GCN1: variants seen among roughly 807,000 people sequenced by gnomAD.
The protein encoded by GCN1 is stalled ribosome sensor GCN1.
Under a neutral mutation model 288.4 loss-of-function variants are expected in GCN1, and 90 were observed. That is an observed-to-expected ratio of 0.31 (90% confidence interval 0.26 to 0.37). GCN1 has a LOEUF of 0.37. Among genes scored for constraint, GCN1 ranks in the 10% least tolerant of loss-of-function variants. The pLI is 1.00. For missense variants in GCN1, 2,586 were observed against 3,419.9 expected (o/e 0.76, Z 6.08); for synonymous variants, 1,386 against 1,420.2 (o/e 0.98, Z 0.54).
At chr12:120,184,745 A>G in intron 3 of GCN1, 79 bp downstream of exon 3, 2 of 1,060,570 alleles carry the variant, frequency 1.9e-6, no homozygotes, top group African/African-American at 1.5e-5. Context: ...GTCTGGCTCT[A>G]ATCTGGGCTC....
chr12:120,170,219 A>G lies in GCN1; in HGVS notation c.1469T>C (p.Val490Ala). 1.9e-6 allele frequency: 3 copies of G among 1,614,072 alleles called. No individual in the cohort carries two copies. Among genetic ancestry groups the G allele is most frequent in the Non-Finnish European group, 2.5e-6 (3 of 1,179,976 alleles). ...CTTTAAGAGCAACAAGGCTGCGGCA[A>G]CCCCTTCAGTGATGGTGGGAACCTG... The part of the protein sequence containing the change: ...STQVPTITEG[V>A]AAALLLLKLS... The change falls in exon 15 of 58, where the codon GTT becomes GCT. Residue 490 changes from valine (V) to alanine (A), a missense_variant. By Grantham distance (64) the Val-to-Ala change is moderately conservative. This residue lies in a region of GCN1 where 913 missense variants were observed against 1,107.0 expected (regional missense o/e 0.82). Coordinates refer to ENST00000300648, the MANE Select transcript of GCN1 (RefSeq NM_006836.2).
chr12:120,150,142 C>A, intron 34 of GCN1, 99 bp from the exon 35 acceptor site: 4 of 1,193,530 alleles, frequency 3.4e-6, no homozygotes, highest in Middle Eastern at 2.9e-4. Context: ...CCTCCCACCC[C>A]TCTGGAAACA....
At chr12:120,152,729 G>T (rs1036645917) in intron 33 of GCN1, among the ~76,000 whole-genome samples, 4 of 149,180 alleles carry the variant, frequency 2.7e-5, no homozygotes, top group African/African-American at 7.4e-5. Flanking sequence ...CAAAGAAAAA[G>T]AAATTTATTT....
rs762696947 is a variant in GCN1 at position 120,149,592 on chromosome 12, G to A, written c.4546+14C>T. The A allele has an allele frequency of 1.5e-5, 23 of 1,557,906 alleles. No individual in the cohort carries two copies. In the East Asian group the frequency reaches 2.0e-4, roughly 14 times the overall value. On this transcript the variant is annotated intron_variant, in intron 36 of 57. Transcript: ENST00000300648. ...ACAGGAAGCTGGGAAGAGAGGCAGA[G>A]CGAGTGGTCTTACCAGCTTTGGTCC... is the stretch of plus-strand genomic sequence containing the variant.
In GCN1 at chr12:120,137,430, G is replaced by A. The variant is rs1204600798; in HGVS notation, c.6664-111C>T. ...GTATAAACAAGACTTGCCACGAGTG[G>A]GTAAACGCCGAAGCTGAGTGACAGG... On this transcript the variant is annotated intron_variant, in intron 49 of 57. Coordinates refer to ENST00000300648, the MANE Select transcript of GCN1 (RefSeq NM_006836.2). The surrounding 1 kb of genome is among the most constrained non-coding windows in gnomAD (Gnocchi z 5.2). 8 of 1,401,040 alleles carry A rather than the reference G, an allele frequency of 5.7e-6. No homozygotes were observed. In the East Asian group the frequency reaches 1.6e-4, roughly 28 times the overall value. 86.8% of individuals were successfully genotyped at this position (1,401,040 alleles called of 1,614,324 possible).
At chr12:120,152,760 C>A (rs1300179443) in intron 33 of GCN1, among the ~76,000 whole-genome samples, 1 of 151,438 alleles carries the variant, frequency 6.6e-6, no homozygotes, top group African/African-American at 2.4e-5. Context: ...TTAGAGGCTA[C>A]ATTAAAACGC....
rs990129820 is a variant in GCN1 at position 120,150,996 on chromosome 12, C to A, written c.4309+149G>T. ...AAGTCCAAGGAAAGCAGCAAGGACG[C>A]AGCTGGACTGGGTCGCACACAGCGG... On this transcript the variant is annotated intron_variant, in intron 34 of 57. Transcript: ENST00000300648. The A allele has an allele frequency of 1.7e-5, 14 of 835,782 alleles. No homozygotes were observed. The African/African-American group carries it at 2.4e-4, about 14-fold the overall frequency. 51.8% of individuals were successfully genotyped at this position (835,782 alleles called of 1,614,324 possible). A position where few individuals can be genotyped will look rare whatever the true frequency, so the allele number is the denominator to read the frequency against.
At chr12:120,145,099 T>C in intron 39 of GCN1, 38 bp from the exon 40 acceptor site, 1 of 1,613,518 alleles carries the variant, frequency 6.2e-7, no homozygotes, top group Non-Finnish European at 8.5e-7. Context: ...TGTGAGAAGA[T>C]GAGGCTCAAA....
At chr12:120,166,366 T>C (rs1878124215) in intron 16 of GCN1, among the ~76,000 whole-genome samples, 1 of 133,286 alleles carries the variant, frequency 7.5e-6, no homozygotes, top group East Asian at 2.2e-4. Flanking sequence ...ATTGCACCAC[T>C]GCACTCCAGC....
Position 120,155,572 on chromosome 12 carries a change from C to T in GCN1, c.3440+20G>A, listed in dbSNP as rs771092284. ...GAAGAGAGGATGCAGCAGGAGAAAG[C>T]GACATGCTGGCTCTCTCACCTCTCA... On this transcript the variant is annotated intron_variant, in intron 29 of 57. Coordinates refer to ENST00000300648, the MANE Select transcript of GCN1 (RefSeq NM_006836.2). This position sits in a 1 kb window ranked among gnomAD's most constrained non-coding sequence, Gnocchi z 4.9. 10 of 1,613,608 alleles carry T rather than the reference C, an allele frequency of 6.2e-6. No individual in the cohort carries two copies. Among genetic ancestry groups the T allele is most frequent in the South Asian group, 1.1e-5 (1 of 91,058 alleles).
At chr12:120,175,252 C>T in intron 11 of GCN1, 40 bp from the exon 12 acceptor site, 1 of 1,557,022 alleles carries the variant, frequency 6.4e-7, no homozygotes, top group Non-Finnish European at 8.9e-7. Flanking sequence ...TCACATATGC[C>T]ACATTTCCCA....
intron 34 of GCN1, 22 bp downstream of exon 34, chr12:120,151,123 C>T (rs1351314568): frequency 1.2e-6 from 2 of 1,608,308 alleles, no homozygotes; most frequent in Admixed American, 1.7e-5. Context: ...TGCTGGGCAG[C>T]CCCAAGCTCA....
intron 38 of GCN1, among the ~76,000 whole-genome samples, chr12:120,146,289 C>T (rs548975074): frequency 1.3e-5 from 2 of 149,180 alleles, no homozygotes; most frequent in South Asian, 2.2e-4. Flanking sequence ...AAAAAATTAA[C>T]AGTAATTATT....
At position 120,164,690 on chromosome 12, in the gene GCN1, T is replaced by C. The variant is rs1336983632; in HGVS notation, c.1644A>G (p.Arg548=). The part of the protein sequence containing the change: ...ALCTVLHLTE[R]LFLDHPHRLT... The stretch of plus-strand genomic sequence containing the variant: ...GTCTATGCGGGTGGTCAAGGAAAAG[T>C]CTCTCTGTCAGATGCAACACAGTAC... Residue 548 remains arginine, a synonymous_variant, in exon 17 of 58, where the codon AGA becomes AGG. Transcript: ENST00000300648. The C allele has an allele frequency of 6.2e-7, 1 of 1,613,414 alleles. No homozygotes were observed. The highest frequency in any genetic ancestry group is 1.1e-5 in the South Asian group (1 of 91,066).
In GCN1 at chr12:120,127,826, A is replaced by G; in HGVS notation, c.*23T>C. 6.2e-7 allele frequency: 1 copy of G among 1,608,026 alleles called. No individual in the cohort carries two copies. The highest frequency in any genetic ancestry group is 8.5e-7 in the Non-Finnish European group (1 of 1,175,094). On this transcript the variant is annotated 3_prime_UTR_variant, in exon 58 of 58. Coordinates refer to ENST00000300648, the MANE Select transcript of GCN1 (RefSeq NM_006836.2). Reference sequence around the variant, plus strand: ...CATTGAGCAAAGATGTGGAGCGGCAATGCTGCTGCTGGCCCAGGCCTCTCA... The same window carrying G: ...CATTGAGCAAAGATGTGGAGCGGCAGTGCTGCTGCTGGCCCAGGCCTCTCA...
rs370480598 is a variant in GCN1, at chr12:120,176,215, T to C, written c.841A>G (p.Ile281Val). Reference sequence around the variant, plus strand: ...GTCACTGATGCCAGCAGACTAGAAATAGCTAAGGGGGACAGAAAGCACTGA... The same window carrying C: ...GTCACTGATGCCAGCAGACTAGAAACAGCTAAGGGGGACAGAAAGCACTGA... ...LRSPENVIETISSLLASVTLD... is the reference protein window; with the variant it reads ...LRSPENVIETVSSLLASVTLD... Residue 281 changes from isoleucine to valine, a missense_variant and splice_region_variant, in exon 10 of 58, where the codon ATT becomes GTT. Transcript: ENST00000300648. 4 of 1,602,012 alleles carry C rather than the reference T, an allele frequency of 2.5e-6. No homozygotes were observed. The African/African-American group carries it at 5.4e-5, about 21-fold the overall frequency.
rs1877305233 is a variant in GCN1, at chr12:120,144,672, A to C, written c.5319T>G (p.Pro1773=). 6.2e-7 allele frequency: 1 copy of C among 1,614,132 alleles called. No homozygotes were observed. Among genetic ancestry groups the C allele is most frequent in the Non-Finnish European group, 8.5e-7 (1 of 1,179,956 alleles). Reference sequence around the variant, plus strand: ...TACAGGGGATGATGGGCCCCACATAAGGAGTAAACTTGTCTCCAAAGGTGA... The same window carrying C: ...TACAGGGGATGATGGGCCCCACATACGGAGTAAACTTGTCTCCAAAGGTGA... ...LPITFGDKFT[P]YVGPIIPCIL... The change falls in exon 41 of 58, where the codon CCT becomes CCG. Residue 1773 remains proline, a synonymous_variant. Coordinates refer to ENST00000300648, the MANE Select transcript of GCN1 (RefSeq NM_006836.2). This position sits in a 1 kb window ranked among gnomAD's most constrained non-coding sequence, Gnocchi z 4.7.
At chr12:120,140,467 G>A (rs998642227) in intron 45 of GCN1, among the ~76,000 whole-genome samples, 4 of 152,006 alleles carry the variant, frequency 2.6e-5, no homozygotes, top group African/African-American at 7.2e-5. Context: ...ACCCCCTCCC[G>A]CACCCTCCTG....
chr12:120,186,496 G>C (rs1265091364), intron 2 of GCN1, among the ~76,000 whole-genome samples: 1 of 152,236 alleles, frequency 6.6e-6, no homozygotes, highest in Non-Finnish European at 1.5e-5. Context: ...TTAACCTGCA[G>C]TGTAAGACAG....
Sources: gnomAD v4.1 joint callset for allele counts (sites outside exome capture counted in the v4.1 genomes callset) on GRCh38, gnomAD v4.1.1 for gene constraint, gnomAD v4.1.1 regional missense constraint, Gnocchi (gnomAD v3.1) non-coding constraint, MANE v1.5 for transcripts, NCBI Gene and HGNC (gene_info 2026-07-23, HGNC 2026-07-21) for gene names.